Variants in KCNIP4 observed in about 807,000 individuals in gnomAD.
KCNIP4 encodes Kv channel-interacting protein 4.
Under a neutral mutation model 34.0 loss-of-function variants are expected in KCNIP4, and 12 were observed. The observed-to-expected ratio is 0.35, with a 90% CI of 0.23 to 0.57. KCNIP4 has a LOEUF of 0.57. Among genes scored for constraint, KCNIP4 ranks in the 20% least tolerant of loss-of-function variants. The probability of loss-of-function intolerance (pLI) is 0.83; values close to 1 mark genes in which losing one functional copy is unlikely to be tolerated. For synonymous variants in KCNIP4, 124 were observed against 102.2 expected, an observed-to-expected ratio of 1.21 and a Z score of -1.29; for missense variants, 238 against 311.7, an observed-to-expected ratio of 0.76 and a Z score of 1.78.
intron 1 of KCNIP4, among the ~76,000 whole-genome samples, chr4:21,455,246 G>A (rs1728828392): frequency 6.6e-6 from 1 of 152,018 alleles, no homozygotes; most frequent in Admixed American, 6.6e-5. Context: ...TCCTCAAGCT[G>A]TCCAGGGCCC....
chr4:20,873,047 A>G (rs1723652751), intron 2 of KCNIP4, among the ~76,000 whole-genome samples: 1 of 152,098 alleles, frequency 6.6e-6, no homozygotes, highest in East Asian at 1.9e-4. Flanking sequence ...CTTTCACTCA[A>G]TATCACAAAT....
intron 1 of KCNIP4, among the ~76,000 whole-genome samples, chr4:21,730,446 T>A (rs982137804): frequency 6.6e-6 from 1 of 152,108 alleles, no homozygotes; most frequent in Admixed American, 6.5e-5. Flanking sequence ...TGCTCAGGAA[T>A]GAATGACAGC....
chr4:21,521,639 A>G (rs1031483646), intron 1 of KCNIP4, among the ~76,000 whole-genome samples: 1 of 152,128 alleles, frequency 6.6e-6, no homozygotes, highest in East Asian at 1.9e-4. Flanking sequence ...CCCAATTGCA[A>G]GTCTCAGAGT....
At chr4:20,885,714 AAGTT>A (rs1268672286) in intron 1 of KCNIP4, among the ~76,000 whole-genome samples, 1 of 152,192 alleles carries the variant, frequency 6.6e-6, no homozygotes, top group East Asian at 1.9e-4. Flanking sequence ...CTGCTTCAAA[AAGTT>A]AGGATCAGAG....
intron 1 of KCNIP4, among the ~76,000 whole-genome samples, chr4:21,556,888 T>A (rs1739064238): frequency 1.0e-5 from 1 of 98,006 alleles, no homozygotes. Context: ...GCCACTGCAC[T>A]CCAGCCTGAT....
At chr4:21,830,535 C>T (rs113005465) in intron 1 of KCNIP4, among the ~76,000 whole-genome samples, 54 of 151,974 alleles carry the variant, frequency 3.6e-4, no homozygotes, top group African/African-American at 1.1e-3. Context: ...AAAAATTCGC[C>T]GGGTGCCACT....
chr4:21,829,535 A>G (rs575110564), intron 1 of KCNIP4, among the ~76,000 whole-genome samples: 90 of 152,210 alleles, frequency 5.9e-4, no homozygotes, highest in Non-Finnish European at 1.0e-3. Context: ...GAACAGCAAG[A>G]ATGAGTTTTA....
At chr4:21,101,014 A>G (rs1029484806) in intron 1 of KCNIP4, among the ~76,000 whole-genome samples, 4 of 152,180 alleles carry the variant, frequency 2.6e-5, no homozygotes, top group African/African-American at 9.6e-5. Context: ...TCTTACATGC[A>G]CATATTGCGT....
intron 1 of KCNIP4, among the ~76,000 whole-genome samples, chr4:21,201,708 C>T (rs978940913): frequency 6.6e-6 from 1 of 152,170 alleles, no homozygotes; most frequent in African/African-American, 2.4e-5. Context: ...CCATGTTAGC[C>T]AGGAAGGTTT....
chr4:21,535,216 A>G (rs189299769), intron 1 of KCNIP4, among the ~76,000 whole-genome samples: 1 of 152,234 alleles, frequency 6.6e-6, no homozygotes, highest in Non-Finnish European at 1.5e-5. Flanking sequence ...AAGTTTAAAG[A>G]GCCAAAATCT....
intron 1 of KCNIP4, among the ~76,000 whole-genome samples, chr4:21,696,377 G>A (rs1476370448): frequency 6.6e-6 from 1 of 152,024 alleles, no homozygotes; most frequent in East Asian, 1.9e-4. Flanking sequence ...ATCATAAATG[G>A]CACATCATCC....
intron 1 of KCNIP4, among the ~76,000 whole-genome samples, chr4:21,700,071 G>A (rs957614225): frequency 1.3e-5 from 2 of 152,158 alleles, no homozygotes; most frequent in African/African-American, 4.8e-5. Context: ...ATGAATAACT[G>A]AATGGGTAAA....
intron 1 of KCNIP4, among the ~76,000 whole-genome samples, chr4:21,199,518 T>A (rs1342393852): frequency 1.3e-5 from 2 of 152,216 alleles, no homozygotes; most frequent in African/African-American, 4.8e-5. Flanking sequence ...TTCTATAGGT[T>A]GCCTGTTCAT....
chr4:20,808,270 T>C (rs761564049), intron 3 of KCNIP4, among the ~76,000 whole-genome samples: 6 of 152,140 alleles, frequency 3.9e-5, no homozygotes, highest in Non-Finnish European at 8.8e-5. Context: ...AGATCAAACA[T>C]ATGAATAACA....
At chr4:21,156,078 A>G (rs1753127674) in intron 1 of KCNIP4, among the ~76,000 whole-genome samples, 1 of 152,154 alleles carries the variant, frequency 6.6e-6, no homozygotes. Context: ...AGGTCAATAT[A>G]TTGATTAAGT....
At chr4:20,844,197 A>G (rs978748270) in intron 3 of KCNIP4, among the ~76,000 whole-genome samples, 1 of 152,214 alleles carries the variant, frequency 6.6e-6, no homozygotes, top group Admixed American at 6.5e-5. Context: ...CGCTTGCACT[A>G]TGTCAGTCTA....
intron 1 of KCNIP4, among the ~76,000 whole-genome samples, chr4:21,893,386 C>T (rs1727214810): frequency 6.6e-6 from 1 of 152,148 alleles, no homozygotes; most frequent in Non-Finnish European, 1.5e-5. Flanking sequence ...ACATCCTTTT[C>T]ATGTTTTTAA....
At chr4:20,756,421 C>T (rs1483364767) in intron 4 of KCNIP4, among the ~76,000 whole-genome samples, 1 of 152,120 alleles carries the variant, frequency 6.6e-6, no homozygotes, top group African/African-American at 2.4e-5. Context: ...TATCCTAAAG[C>T]TATTAACATC....
At chr4:21,929,859 A>G (rs1729465218) in intron 1 of KCNIP4, among the ~76,000 whole-genome samples, 1 of 152,124 alleles carries the variant, frequency 6.6e-6, no homozygotes, top group Non-Finnish European at 1.5e-5. Flanking sequence ...ATATTGGAAA[A>G]CTTCCCTTGC....
Sources: allele counts gnomAD v4.1 joint callset (sites outside exome capture counted in the v4.1 genomes callset), GRCh38; gene constraint gnomAD v4.1.1; transcripts MANE v1.5; gene names NCBI Gene and HGNC (gene_info 2026-07-23, HGNC 2026-07-21).